The following CEP63 variants were observed in gnomAD, a reference collection of about 807,000 sequenced individuals.
CEP63 encodes centrosomal protein 63, also known as centrosomal protein of 63 kDa.
Under a neutral mutation model 89.1 loss-of-function variants are expected in CEP63, and 84 were observed. The observed-to-expected ratio is 0.94, with a 90% CI of 0.79 to 1.13. CEP63 has a LOEUF of 1.13. Among genes scored for constraint, CEP63 ranks in the 50% most tolerant of loss-of-function variants. The probability of loss-of-function intolerance (pLI) is 0.00; values close to 1 mark genes in which losing one functional copy is unlikely to be tolerated. For synonymous variants in CEP63, 267 were observed against 272.5 expected (o/e 0.98, Z 0.20); for missense variants, 838 against 813.3 (o/e 1.03, Z -0.37).
chr3:134,583,887 G>C (rs1177556496), intron 10 of CEP63, among the ~76,000 whole-genome samples: 1 of 152,032 alleles, frequency 6.6e-6, no homozygotes, highest in African/African-American at 2.4e-5. Context: ...CCTTGAAGAG[G>C]TCCTTCACAT....
chr3:134,684,212 C>T, the CEP63 span, among the ~76,000 whole-genome samples: 1 of 152,158 alleles, frequency 6.6e-6, no homozygotes, highest in Non-Finnish European at 1.5e-5. Context: ...GAACTTTTCC[C>T]TGACTAAGGA....
chr3:134,744,098 C>T, the CEP63 span, among the ~76,000 whole-genome samples: 2 of 152,138 alleles, frequency 1.3e-5, no homozygotes, highest in Admixed American at 1.3e-4. Context: ...TTCAGAATCC[C>T]AATGGGAAAT....
chr3:134,543,490 A>C (rs1193623128), intron 6 of CEP63, among the ~76,000 whole-genome samples: 3 of 152,246 alleles, frequency 2.0e-5, no homozygotes, highest in African/African-American at 7.2e-5. Context: ...CCATTCTTCA[A>C]AACTGAGAAG....
the CEP63 span, among the ~76,000 whole-genome samples, chr3:134,720,924 T>G: frequency 6.6e-6 from 1 of 152,126 alleles, no homozygotes; most frequent in African/African-American, 2.4e-5. Context: ...CTTCCAACTT[T>G]GTTTTCCTTT....
chr3:134,637,619 T>C, the CEP63 span, among the ~76,000 whole-genome samples: 1 of 152,178 alleles, frequency 6.6e-6, no homozygotes, highest in Non-Finnish European at 1.5e-5. Flanking sequence ...CAACAACAAA[T>C]CTCTTCCCCA....
chr3:134,520,661 A>C (rs1256725243), intron 3 of CEP63, among the ~76,000 whole-genome samples: 1 of 152,170 alleles, frequency 6.6e-6, no homozygotes, highest in Admixed American at 6.5e-5. Flanking sequence ...ATATTAAGAC[A>C]GTGTGGTATT....
intron 1 of CEP63, among the ~76,000 whole-genome samples, chr3:134,487,485 C>G (rs999867437): frequency 5.9e-5 from 9 of 152,304 alleles, no homozygotes; most frequent in African/African-American, 2.2e-4. Context: ...AAGACCTTTG[C>G]TTAGTCCTTT....
At chr3:134,627,502 T>C in the CEP63 span, among the ~76,000 whole-genome samples, 2 of 152,250 alleles carry the variant, frequency 1.3e-5, no homozygotes, top group South Asian at 4.1e-4. Context: ...TTTCCTATAA[T>C]GGTCTGCCTT....
chr3:134,634,509 G>A, the CEP63 span, among the ~76,000 whole-genome samples: 1 of 152,142 alleles, frequency 6.6e-6, no homozygotes, highest in African/African-American at 2.4e-5. Flanking sequence ...CAAAAGAATA[G>A]ATATTTTACT....
At chr3:134,555,046 G>T (rs1427850178) in intron 12 of CEP63, among the ~76,000 whole-genome samples, 1 of 152,102 alleles carries the variant, frequency 6.6e-6, no homozygotes, top group Non-Finnish European at 1.5e-5. Flanking sequence ...AATAGATGCA[G>T]AAAAGGCCTT....
intron 1 of CEP63, among the ~76,000 whole-genome samples, chr3:134,487,523 A>G (rs1936014239): frequency 6.6e-6 from 1 of 152,256 alleles, no homozygotes; most frequent in African/African-American, 2.4e-5. Context: ...GTGCTGGCAG[A>G]TGGTGACAGC....
Position 134,559,276 on chromosome 3 carries a change from TCCTCAAATCAGC to T in CEP63, c.1804_1815del (p.Gln602_Pro605del). 1 of 1,614,152 alleles carries T rather than the reference TCCTCAAATCAGC, an allele frequency of 6.2e-7. No homozygotes were observed. Among genetic ancestry groups the T allele is most frequent in the Non-Finnish European group, 8.5e-7 (1 of 1,180,016 alleles). On this transcript the variant is annotated inframe_deletion, in exon 14 of 15. Coordinates refer to ENST00000675561, the MANE Select transcript of CEP63 (RefSeq NM_001353108.3). Reference sequence around the variant, plus strand: ...TGTCTAGGGTGCTAAGCCCCCTGAGTCCTCAAATCAGCCCTTGCAGCTCCACCAGGTCTTTGA... The same window carrying T: ...TGTCTAGGGTGCTAAGCCCCCTGAGTCCTTGCAGCTCCACCAGGTCTTTGA...
chr3:134,537,495 C>T (rs771457665), intron 6 of CEP63, among the ~76,000 whole-genome samples: 11 of 152,174 alleles, frequency 7.2e-5, no homozygotes, highest in Non-Finnish European at 1.3e-4. Flanking sequence ...TGTCCTTGTG[C>T]CCGCTTGCTG....
At chr3:134,600,820 G>T in the CEP63 span, 1 of 152,288 alleles carries the variant, frequency 6.6e-6, no homozygotes, top group East Asian at 1.9e-4. Flanking sequence ...ACACCAGGTT[G>T]TCCCCCAGGA....
At chr3:134,632,351 C>T in the CEP63 span, among the ~76,000 whole-genome samples, 3 of 151,968 alleles carry the variant, frequency 2.0e-5, no homozygotes, top group African/African-American at 7.2e-5. Context: ...CCAAGATGGA[C>T]TATATCCTTG....
intron 3 of CEP63, among the ~76,000 whole-genome samples, chr3:134,528,569 C>CGTGTGTGTGTGCGT (rs1949198040): frequency 6.8e-6 from 1 of 147,024 alleles, no homozygotes; most frequent in African/African-American, 2.5e-5. Context: ...TGTGTGTGTG[C>CGTGTGTGTGTGCGT]GTGTGTGTGT....
At chr3:134,663,980 G>A in the CEP63 span, among the ~76,000 whole-genome samples, 1 of 152,186 alleles carries the variant, frequency 6.6e-6, no homozygotes, top group Admixed American at 6.5e-5. Context: ...GCAGGGCTTG[G>A]GGAGAGCTTC....
intron 11 of CEP63, among the ~76,000 whole-genome samples, chr3:134,570,640 T>G (rs1957973213): frequency 6.6e-6 from 1 of 152,216 alleles, no homozygotes; most frequent in Admixed American, 6.5e-5. Context: ...TTTTCCTGTC[T>G]TCTTCTGAGC....
At chr3:134,543,850 A>AG (rs1041845960) in intron 6 of CEP63, among the ~76,000 whole-genome samples, 2 of 151,934 alleles carry the variant, frequency 1.3e-5, no homozygotes, top group African/African-American at 4.8e-5. Flanking sequence ...TTGAAAGAAA[A>AG]GTTTATATTA....
Sources: allele counts gnomAD v4.1 joint callset (sites outside exome capture counted in the v4.1 genomes callset), GRCh38; gene constraint gnomAD v4.1.1; transcripts MANE v1.5; gene names NCBI Gene and HGNC (gene_info 2026-07-23, HGNC 2026-07-21).